Variants in PRKACB observed in about 807,000 individuals in gnomAD.
PRKACB encodes protein kinase cAMP-activated catalytic subunit beta.
Under a neutral mutation model 51.4 loss-of-function variants are expected in PRKACB, and 16 were observed. The observed-to-expected ratio is 0.31, with a 90% CI of 0.21 to 0.47. The LOEUF is 0.47. Ranked by LOEUF, PRKACB falls within the 20% of genes least tolerant of loss-of-function variation. The pLI, the probability that PRKACB is intolerant of heterozygous loss-of-function variation, is 1.00. For synonymous variants in PRKACB, 147 were observed against 154.4 expected (o/e 0.95, Z 0.35); for missense variants, 309 against 464.5 (o/e 0.67, Z 3.08).
chr1:84,086,670 C>T (rs1018914702), intron 1 of PRKACB, among the ~76,000 whole-genome samples: 1 of 152,180 alleles, frequency 6.6e-6, no homozygotes, highest in Non-Finnish European at 1.5e-5. Context: ...ATAACTCTCT[C>T]GGTTTTTGTA....
intron 9 of PRKACB, among the ~76,000 whole-genome samples, chr1:84,231,841 A>G (rs941097065): frequency 4.6e-5 from 7 of 151,906 alleles, no homozygotes; most frequent in Non-Finnish European, 1.0e-4. Flanking sequence ...CTAGCAGTCT[A>G]TCAATTTTGT....
chr1:84,117,844 C>A (rs1317023917), intron 1 of PRKACB, among the ~76,000 whole-genome samples: 2 of 151,998 alleles, frequency 1.3e-5, no homozygotes, highest in African/African-American at 4.8e-5. Context: ...TTAATTTGTT[C>A]TTGCTTTTCT....
intron 1 of PRKACB, among the ~76,000 whole-genome samples, chr1:84,161,724 G>C (rs1656222186): frequency 6.6e-6 from 1 of 151,694 alleles, no homozygotes; most frequent in Non-Finnish European, 1.5e-5. Context: ...GAACTGCTTT[G>C]ATCCAATATA....
intron 1 of PRKACB, among the ~76,000 whole-genome samples, chr1:84,132,835 A>G (rs1416003027): frequency 2.0e-5 from 3 of 152,210 alleles, no homozygotes; most frequent in Non-Finnish European, 4.4e-5. Flanking sequence ...TGAAATATAA[A>G]GAGAAAAAAT....
chr1:84,202,585 A>T (rs949520503), intron 7 of PRKACB, 98 bp from the exon 8 acceptor site: 39 of 1,326,934 alleles, frequency 2.9e-5, no homozygotes, highest in South Asian at 1.8e-4. Context: ...CTTTAAAAAA[A>T]TTTTTATATG....
intron 8 of PRKACB, among the ~76,000 whole-genome samples, chr1:84,208,901 G>A (rs976345064): frequency 3.9e-5 from 6 of 152,110 alleles, no homozygotes; most frequent in African/African-American, 1.4e-4. Flanking sequence ...AGTTGGGATT[G>A]GAACCCAGGA....
upstream of PRKACB, among the ~76,000 whole-genome samples, chr1:84,140,261 G>A (rs1653273326): frequency 6.6e-6 from 1 of 152,142 alleles, no homozygotes; most frequent in Non-Finnish European, 1.5e-5. Flanking sequence ...CAATTCAACA[G>A]TAAATGGATA....
At chr1:84,166,311 T>G (rs1657463661) in intron 1 of PRKACB, among the ~76,000 whole-genome samples, 1 of 151,758 alleles carries the variant, frequency 6.6e-6, no homozygotes, top group Non-Finnish European at 1.5e-5. Context: ...TACATATATT[T>G]ATTTGAATCA....
At chr1:84,120,406 A>G (rs909027655) in intron 1 of PRKACB, among the ~76,000 whole-genome samples, 4 of 152,116 alleles carry the variant, frequency 2.6e-5, no homozygotes, top group East Asian at 1.9e-4. Context: ...GTTATTGTCT[A>G]TACATGCACA....
At chr1:84,223,961 T>C (rs1674160069) in intron 9 of PRKACB, among the ~76,000 whole-genome samples, 1 of 152,240 alleles carries the variant, frequency 6.6e-6, no homozygotes, top group African/African-American at 2.4e-5. Flanking sequence ...CTCCAGTTTT[T>C]AGGATTGGCT....
chr1:84,181,798 G>C, intron 2 of PRKACB: 1 of 1,124,182 alleles, frequency 8.9e-7, no homozygotes, highest in South Asian at 1.7e-5. Context: ...AGTGCATTAA[G>C]TCTGTATGGC....
rs180706399 is a variant in PRKACB at position 84,164,505 on chromosome 1, C to G, written c.188-14672C>G. On this transcript the variant is annotated intron_variant, in intron 1 of 9. Transcript: ENST00000370685. ...AGATTAGTGCTTAAATTTAAGAAAT[C>G]TGGTAATTTATAATCATGTGGCTCT... The G allele has an allele frequency of 3.8e-4, 577 of 1,506,420 alleles. No homozygotes were observed. The African/African-American group carries it at 7.1e-3, about 18-fold the overall frequency. 93.3% of individuals were successfully genotyped at this position (1,506,420 alleles called of 1,614,324 possible). A position where few individuals can be genotyped will look rare whatever the true frequency, so the allele number is the denominator to read the frequency against.
chr1:84,110,939 T>A (rs1181157319), intron 1 of PRKACB, among the ~76,000 whole-genome samples: 1 of 152,044 alleles, frequency 6.6e-6, no homozygotes, highest in Non-Finnish European at 1.5e-5. Flanking sequence ...CTCTCCTTGT[T>A]GACTGAGTCT....
At chr1:84,106,578 C>T (rs1649766591) in intron 1 of PRKACB, among the ~76,000 whole-genome samples, 1 of 152,104 alleles carries the variant, frequency 6.6e-6, no homozygotes, top group Admixed American at 6.6e-5. Context: ...ATGAAAATTA[C>T]AGAACACTGC....
At chr1:84,096,000 C>G (rs906889310) in intron 1 of PRKACB, among the ~76,000 whole-genome samples, 1 of 151,816 alleles carries the variant, frequency 6.6e-6, no homozygotes, top group African/African-American at 2.4e-5. Context: ...TTTGGCATGC[C>G]TAGGAATCTT....
intron 7 of PRKACB, among the ~76,000 whole-genome samples, chr1:84,198,514 A>C (rs1668825042): frequency 1.3e-5 from 2 of 152,136 alleles, no homozygotes; most frequent in Non-Finnish European, 1.5e-5. Context: ...TGGCTAACTT[A>C]TAGAAGTGTT....
chr1:84,146,612 A>G (rs1355990165), intron 1 of PRKACB, among the ~76,000 whole-genome samples: 2 of 152,008 alleles, frequency 1.3e-5, no homozygotes, highest in African/African-American at 4.8e-5. Context: ...AAGGGAATGT[A>G]ATGTCTCCTG....
At chr1:84,100,448 T>C (rs1649263513) in intron 1 of PRKACB, among the ~76,000 whole-genome samples, 1 of 152,176 alleles carries the variant, frequency 6.6e-6, no homozygotes. Flanking sequence ...AGAAAGTTAT[T>C]CACCAAAACT....
At chr1:84,180,475 T>C (rs1043268942) in intron 2 of PRKACB, among the ~76,000 whole-genome samples, 27 of 151,668 alleles carry the variant, frequency 1.8e-4, no homozygotes, top group African/African-American at 6.5e-4. Flanking sequence ...CAGTGTATAC[T>C]GCTCAAGTAA....
Sources: allele counts gnomAD v4.1 joint callset (sites outside exome capture counted in the v4.1 genomes callset), GRCh38; gene constraint gnomAD v4.1.1; transcripts MANE v1.5; gene names NCBI Gene and HGNC (gene_info 2026-07-23, HGNC 2026-07-21).